Variants in PRKG1 observed in about 807,000 individuals in gnomAD.
PRKG1 encodes the protein protein kinase cGMP-dependent 1.
PRKG1 carries 35 observed loss-of-function variants against 88.1 expected under a neutral mutation model. The ratio of observed to expected loss-of-function variants is 0.40; its 90% CI spans 0.30 to 0.53. The LOEUF is 0.53. Among genes scored for constraint, PRKG1 ranks in the 20% least tolerant of loss-of-function variants. The pLI is 0.59. For synonymous variants in PRKG1, 303 were observed against 292.5 expected (o/e 1.04, Z -0.37); for missense variants, 540 against 839.8 (o/e 0.64, Z 4.41).
At chr10:51,801,779 T>G (rs1162344524) in intron 3 of PRKG1, among the ~76,000 whole-genome samples, 2 of 152,136 alleles carry the variant, frequency 1.3e-5, no homozygotes, top group African/African-American at 4.8e-5. Context: ...ATTGAAGTTG[T>G]TCTCAATGTA....
At chr10:51,992,024 A>G (rs182623834) in intron 5 of PRKG1, among the ~76,000 whole-genome samples, 38 of 152,272 alleles carry the variant, frequency 2.5e-4, no homozygotes, top group Non-Finnish European at 5.1e-4. Flanking sequence ...TAAAAATATG[A>G]TAAACTCTGT....
rs1283273580 is a variant in PRKG1 at position 51,152,976 on chromosome 10, CT to C, written c.312-171del. Reference sequence around the variant, plus strand: ...AATACTTAAAAAAAATTCTTAGTGCCTTTTTTTTTTTTTTTTTGTTTTGCTG... The same window carrying C: ...AATACTTAAAAAAAATTCTTAGTGCCTTTTTTTTTTTTTTTTGTTTTGCTG... On this transcript the variant is annotated intron_variant, in intron 1 of 17. Coordinates refer to ENST00000373980, the MANE Select transcript of PRKG1 (RefSeq NM_006258.4). Among the ~76,000 whole-genome samples, 981 of 112,638 alleles carry C rather than the reference CT, an allele frequency of 8.7e-3. 5 individuals carry two copies. The highest frequency in any genetic ancestry group is 0.042 in the Middle Eastern group (8 of 192). 73.9% of individuals were successfully genotyped at this position (112,638 alleles called of 152,430 possible). A position where few individuals can be genotyped will look rare whatever the true frequency, so the allele number is the denominator to read the frequency against.
At chr10:51,538,581 AGAT>A (rs1184195647) in intron 3 of PRKG1, among the ~76,000 whole-genome samples, 1 of 151,190 alleles carries the variant, frequency 6.6e-6, no homozygotes, top group Non-Finnish European at 1.5e-5. Flanking sequence ...AGGACAAAAA[AGAT>A]GATGAATGTC....
intron 3 of PRKG1, among the ~76,000 whole-genome samples, chr10:51,509,945 T>C (rs540707703): frequency 2.0e-5 from 3 of 152,154 alleles, no homozygotes; most frequent in Non-Finnish European, 2.9e-5. Context: ...GTGGGAGACC[T>C]AGAACCTGCT....
intron 9 of PRKG1, chr10:52,230,955 A>G (rs934830837): frequency 7.2e-5 from 11 of 152,178 alleles, no homozygotes; most frequent in African/African-American, 2.7e-4. Flanking sequence ...ACTATCCTAG[A>G]AATACTGATT....
intron 3 of PRKG1, among the ~76,000 whole-genome samples, chr10:51,557,222 T>A (rs973348456): frequency 2.0e-5 from 3 of 151,980 alleles, no homozygotes; most frequent in Non-Finnish European, 2.9e-5. Context: ...TATTGCAGAT[T>A]AAGAAATGCT....
chr10:51,593,254 A>G (rs968536652), intron 3 of PRKG1, among the ~76,000 whole-genome samples: 1 of 152,202 alleles, frequency 6.6e-6, no homozygotes, highest in Non-Finnish European at 1.5e-5. Flanking sequence ...TACAAATTAT[A>G]TTGTCTTCAA....
chr10:51,288,113 A>AT (rs1024253555), intron 2 of PRKG1, among the ~76,000 whole-genome samples: 10 of 145,262 alleles, frequency 6.9e-5, no homozygotes, highest in Non-Finnish European at 1.5e-4. Flanking sequence ...TTTTCTTCCT[A>AT]TTTTTTTATT....
chr10:51,536,491 T>G (rs560779310), intron 3 of PRKG1, among the ~76,000 whole-genome samples: 25 of 152,286 alleles, frequency 1.6e-4, no homozygotes, highest in Non-Finnish European at 2.6e-4. Context: ...GGTTGTCTCT[T>G]TACTCTGTTG....
At chr10:51,471,037 A>G (rs967812753) in intron 3 of PRKG1, among the ~76,000 whole-genome samples, 1 of 152,010 alleles carries the variant, frequency 6.6e-6, no homozygotes, top group Non-Finnish European at 1.5e-5. Flanking sequence ...ATCTATATTC[A>G]TAGTCTGCTC....
chr10:52,173,357 GATA>G (rs1838764349), intron 9 of PRKG1, among the ~76,000 whole-genome samples: 1 of 152,058 alleles, frequency 6.6e-6, no homozygotes, highest in African/African-American at 2.4e-5. Flanking sequence ...ATTTAGATAT[GATA>G]ATAAGCCCTG....
At position 51,945,476 on chromosome 10, in the gene PRKG1, G is replaced by A. The variant is rs752152642; in HGVS notation, c.762+37906G>A. ...TTACATTTAAAGTTAATATTGTTAT[G>A]TGTGAATCTGATCCTGTCATTATGA... On this transcript the variant is annotated intron_variant, in intron 5 of 17. Coordinates refer to ENST00000373980, the MANE Select transcript of PRKG1 (RefSeq NM_006258.4). 8.6e-3 allele frequency among the ~76,000 whole-genome samples: 1,309 copies of A among 151,414 alleles called. 21 individuals carry two copies. The highest frequency in any genetic ancestry group is 0.01 in the South Asian group (49 of 4,764).
chr10:51,967,501 T>A (rs1428565983), intron 5 of PRKG1, among the ~76,000 whole-genome samples: 1 of 151,954 alleles, frequency 6.6e-6, no homozygotes, highest in African/African-American at 2.4e-5. Context: ...ATGGCACATG[T>A]ATACATATGT....
chr10:51,265,250 G>T (rs1589292720), intron 2 of PRKG1, among the ~76,000 whole-genome samples: 1 of 152,106 alleles, frequency 6.6e-6, no homozygotes, highest in East Asian at 1.9e-4. Flanking sequence ...GACAGTAGTA[G>T]TAGTGAGGAG....
At chr10:51,480,553 T>C (rs1840323353) in intron 3 of PRKG1, among the ~76,000 whole-genome samples, 1 of 148,230 alleles carries the variant, frequency 6.7e-6, no homozygotes, top group East Asian at 1.9e-4. Context: ...ATCACTTCCT[T>C]GGCACCTAAA....
intron 2 of PRKG1, among the ~76,000 whole-genome samples, chr10:51,223,504 G>A (rs979130244): frequency 2.6e-5 from 4 of 152,050 alleles, no homozygotes; most frequent in African/African-American, 4.8e-5. Flanking sequence ...ACACATACAC[G>A]AGTGAATATC....
intron 3 of PRKG1, among the ~76,000 whole-genome samples, chr10:51,545,756 A>G (rs1436931167): frequency 6.6e-6 from 1 of 152,116 alleles, no homozygotes; most frequent in Non-Finnish European, 1.5e-5. Context: ...TATTCTTAAA[A>G]TATTACAAAC....
chr10:51,161,477 A>G (rs180767960), intron 2 of PRKG1, among the ~76,000 whole-genome samples: 2 of 152,220 alleles, frequency 1.3e-5, no homozygotes, highest in Admixed American at 1.3e-4. Context: ...AATTTTTTCT[A>G]AGGTATTACT....
chr10:51,095,764 C>T (rs1307634978), intron 1 of PRKG1, among the ~76,000 whole-genome samples: 1 of 152,060 alleles, frequency 6.6e-6, no homozygotes, highest in African/African-American at 2.4e-5. Flanking sequence ...TACACACCTT[C>T]CCAATGAGAT....
Sources: allele counts gnomAD v4.1 joint callset (sites outside exome capture counted in the v4.1 genomes callset), GRCh38; gene constraint gnomAD v4.1.1; transcripts MANE v1.5; gene names NCBI Gene and HGNC (gene_info 2026-07-23, HGNC 2026-07-21).